Variants in VPS35 observed in about 807,000 individuals in gnomAD.
VPS35 encodes the protein VPS35 retromer complex component, also known as vacuolar protein sorting-associated protein 35.
In VPS35, 21 loss-of-function variants were observed where a neutral mutation model predicts 98.1. That is an observed-to-expected ratio of 0.21 (90% CI 0.15 to 0.31). VPS35 has a LOEUF of 0.31. VPS35 is among the 10% of genes least tolerant of loss of function. VPS35 has a pLI of 1.00. For synonymous variants in VPS35, 268 were observed against 318.2 expected (o/e 0.84, Z 1.68); for missense variants, 554 against 950.8 (o/e 0.58, Z 5.49).
intron 14 of VPS35, among the ~76,000 whole-genome samples, chr16:46,662,719 T>C (rs1313818400): frequency 6.6e-6 from 1 of 152,206 alleles, no homozygotes; most frequent in Non-Finnish European, 1.5e-5. Context: ...AAACTGGATT[T>C]TGGGAATTGA....
At chr16:46,680,972 G>T in intron 4 of VPS35, 119 bp from the exon 5 acceptor site, 2 of 1,067,960 alleles carry the variant, frequency 1.9e-6, no homozygotes, top group Non-Finnish European at 2.8e-6. Flanking sequence ...GTTTTCTCCC[G>T]CATGACAAGG....
intron 7 of VPS35, 129 bp from the exon 8 acceptor site, chr16:46,676,821 T>C (rs1966159272): frequency 3.0e-5 from 22 of 724,472 alleles, no homozygotes; most frequent in Non-Finnish European, 5.0e-5. Context: ...CACATTACTT[T>C]TGAACCTCTC....
chr16:46,663,003 C>A lies in VPS35; in HGVS notation c.1807G>T (p.Ala603Ser). ...EIGFENHETV[A>S]YEFMSQAFSL... is the part of the protein sequence containing the mutation. ...ATCACCTGGGACATGAATTCATATG[C>A]GACTGTCTCATGATTTTCAAAACCA... The change falls in exon 14 of 17, where the codon GCA becomes TCA. Residue 603 changes from alanine (A) to serine (S), a missense_variant. Physicochemically the swap from Ala to Ser is moderately conservative, Grantham distance 99 (BLOSUM62 1). Transcript: ENST00000299138. 1 of 1,614,182 alleles carries A rather than the reference C, an allele frequency of 6.2e-7. No homozygotes were observed. Among genetic ancestry groups the A allele is most frequent in the Non-Finnish European group, 8.5e-7 (1 of 1,180,034 alleles).
rs1466985107 is a variant in VPS35 at position 46,678,370 on chromosome 16, T to C, written c.720+573A>G. ...TCATGTTTTAAAGTTTACAAACTTA[T>C]GTTGGGCCATATTCAAGGCTGTCCT... On this transcript the variant is annotated intron_variant, in intron 6 of 16. Transcript: ENST00000299138. 2.0e-5 allele frequency among the ~76,000 whole-genome samples: 3 copies of C among 151,114 alleles called. No individual in the cohort carries two copies. In the South Asian group the frequency reaches 6.3e-4, roughly 32 times the overall value.
chr16:46,677,518 A>G, intron 6 of VPS35, 120 bp from the exon 7 acceptor site: 1 of 847,694 alleles, frequency 1.2e-6, no homozygotes. Context: ...TCTCACCAAG[A>G]CTTCACTTCT....
chr16:46,682,086 A>G lies in VPS35; in HGVS notation c.192T>C (p.Tyr64=). The part of the protein sequence containing the change: ...RTSMLSPKSY[Y]ELYMAISDEL... ...TCAACATTCAAAAGATACAAAGTTC[A>G]TAGTAACTCTTTGGTGATAACATAG... Residue 64 remains tyrosine (Y), a synonymous_variant, in exon 3 of 17, where the codon TAT becomes TAC. Coordinates refer to ENST00000299138, the MANE Select transcript of VPS35 (RefSeq NM_018206.6). The G allele has an allele frequency of 6.2e-7, 1 of 1,611,518 alleles. No individual in the cohort carries two copies.
At chr16:46,676,787 T>C (rs1485473384) in intron 7 of VPS35, 95 bp from the exon 8 acceptor site, 4 of 857,228 alleles carry the variant, frequency 4.7e-6, no homozygotes, top group Admixed American at 3.9e-5. Context: ...AAAAACACTG[T>C]ATTCTTATAC....
At chr16:46,663,273 C>A (rs1190042600) in intron 13 of VPS35, 111 bp from the exon 14 acceptor site, 2 of 992,096 alleles carry the variant, frequency 2.0e-6, no homozygotes, top group Non-Finnish European at 3.0e-6. Flanking sequence ...GTTTTCCTGT[C>A]ATTTTCCTTC....
In VPS35 at chr16:46,665,997, G is replaced by A. The variant is rs143119810; in HGVS notation, c.1648-2835C>T. Among the ~76,000 whole-genome samples the A allele has an allele frequency of 5.3e-3, 813 of 152,138 alleles. 6 individuals are homozygous for A. The highest frequency in any genetic ancestry group is 0.024 in the South Asian group (115 of 4,816). On this transcript the variant is annotated intron_variant, in intron 13 of 16. Transcript: ENST00000299138. ...CAGCTTACTGCAACCTCTGCCTCCC[G>A]GGTTCAAGTGATTCTCCTGCCTCAG...
At chr16:46,688,733 C>G (rs1966365465) in intron 1 of VPS35, 1 of 1,192,688 alleles carries the variant, frequency 8.4e-7, no homozygotes, top group Non-Finnish European at 1.0e-6. Context: ...CGGGTCCCGG[C>G]GCCACCTCCG....
rs1471759227 is a variant in VPS35, at chr16:46,658,091, A to G, written c.*2381T>C. The G allele has an allele frequency of 6.6e-6, 1 of 152,250 alleles. No individual in the cohort carries two copies. The highest frequency in any genetic ancestry group is 2.4e-5 in the African/African-American group (1 of 41,454). The allele number at this position is 152,250 out of a possible 1,614,324, so 9.4% of individuals were successfully genotyped here. A position where few individuals can be genotyped will look rare whatever the true frequency, so the allele number is the denominator to read the frequency against. The stretch of plus-strand genomic sequence containing the variant: ...ATGCTAAGTCAATTTCTAAATATCT[A>G]TTTCACTACAGGCAGCCAAGAGTAT... On this transcript the variant is annotated 3_prime_UTR_variant, in exon 17 of 17. Transcript: ENST00000299138.
At chr16:46,687,758 A>G (rs1360649883) in intron 1 of VPS35, among the ~76,000 whole-genome samples, 8 of 152,164 alleles carry the variant, frequency 5.3e-5, no homozygotes, top group Admixed American at 5.2e-4. Flanking sequence ...GGCCGCCAAC[A>G]CTTGCTTTCG....
intron 1 of VPS35, chr16:46,688,849 C>T: frequency 7.1e-7 from 1 of 1,415,666 alleles, no homozygotes; most frequent in Non-Finnish European, 9.2e-7. Context: ...AGGCCGCAGG[C>T]CTTCATGGAC....
intron 4 of VPS35, among the ~76,000 whole-genome samples, 179 bp from the exon 5 acceptor site, chr16:46,681,032 TACAC>T (rs3040555): frequency 1.4e-3 from 201 of 142,094 alleles, no homozygotes; most frequent in East Asian, 8.4e-3. Flanking sequence ...AAAAAAACTA[TACAC>T]ACACACACAC....
chr16:46,685,183 A>T (rs1163205323), intron 1 of VPS35, among the ~76,000 whole-genome samples: 2 of 152,174 alleles, frequency 1.3e-5, no homozygotes, highest in East Asian at 3.8e-4. Context: ...TTTCACTTTT[A>T]TTTTTTAAAA....
chr16:46,688,873 T>G (rs1206966635), intron 1 of VPS35: 16 of 1,435,126 alleles, frequency 1.1e-5, no homozygotes, highest in Non-Finnish European at 1.5e-5. Context: ...AAAGCCTACA[T>G]GCCAAGTCAA....
chr16:46,660,658 A>G lies in VPS35; in HGVS notation c.2212-7T>C, dbSNP rs1365736013. ...TTAAAACCTGAATTGTTACCTACAA[A>G]AGAATATGTACAAATTCATGATCAA... On this transcript the variant is annotated splice_region_variant and splice_polypyrimidine_tract_variant and intron_variant, in intron 16 of 16. Coordinates refer to ENST00000299138, the MANE Select transcript of VPS35 (RefSeq NM_018206.6). The G allele has an allele frequency of 1.2e-6, 2 of 1,612,798 alleles. No homozygotes were observed. Among genetic ancestry groups the G allele is most frequent in the Non-Finnish European group, 1.7e-6 (2 of 1,179,578 alleles).
At position 46,677,385 on chromosome 16, in the gene VPS35, C is replaced by A; in HGVS notation, c.734G>T (p.Gly245Val). 4 of 1,613,662 alleles carry A rather than the reference C, an allele frequency of 2.5e-6. No homozygotes were observed. Among genetic ancestry groups the A allele is most frequent in the Non-Finnish European group, 3.4e-6 (4 of 1,179,702 alleles). The change falls in exon 7 of 17, where the codon GGC becomes GTC. Residue 245 changes from glycine (G) to valine (V), a missense_variant. Gly to Val is a moderately radical substitution (Grantham distance 109, BLOSUM62 -3). Around this residue, in one of 5 missense-constraint regions of VPS35, gnomAD observed 77 missense variants for 222.3 expected, o/e 0.35. Coordinates refer to ENST00000299138, the MANE Select transcript of VPS35 (RefSeq NM_018206.6). ...ACAGTTTACAACTTGCTCCAATATGCCAGTCAAAACAATCTAAAAGAGAAA... is the reference window on the plus strand; with the variant it reads ...ACAGTTTACAACTTGCTCCAATATGACAGTCAAAACAATCTAAAAGAGAAA... ...VERYKQIVLT[G>V]ILEQVVNCRD...
In VPS35 at chr16:46,669,894, A is replaced by C. The variant is rs184213678; in HGVS notation, c.1525-842T>G. ...TAGCACAAGGCATAAGCTCAGTAAT[A>C]TTAACTATTACTATGATACACAACA... On this transcript the variant is annotated intron_variant, in intron 12 of 16. Transcript: ENST00000299138. Among the ~76,000 whole-genome samples the C allele has an allele frequency of 1.7e-3, 252 of 152,308 alleles. 4 individuals are homozygous for C. The highest frequency in any genetic ancestry group is 4.3e-3 in the Admixed American group (66 of 15,288).
Sources: allele counts gnomAD v4.1 joint callset (sites outside exome capture counted in the v4.1 genomes callset), GRCh38; gene constraint gnomAD v4.1.1; regional missense constraint gnomAD v4.1.1; transcripts MANE v1.5; gene names NCBI Gene and HGNC (gene_info 2026-07-23, HGNC 2026-07-21).